The following ANAPC10 variants were observed in gnomAD, a reference collection of about 807,000 sequenced individuals.
The protein encoded by ANAPC10 is anaphase promoting complex subunit 10, also known as anaphase-promoting complex subunit 10.
Under a neutral mutation model 22.0 loss-of-function variants are expected in ANAPC10, and 12 were observed. The ratio of observed to expected loss-of-function variants is 0.55; its 90% CI spans 0.35 to 0.88. ANAPC10 has a LOEUF of 0.88. ANAPC10 is among the 40% of genes least tolerant of loss of function. The pLI, the probability that ANAPC10 is intolerant of heterozygous loss-of-function variation, is 0.01. For missense variants in ANAPC10, 188 were observed against 220.9 expected, an observed-to-expected ratio of 0.85 and a Z score of 0.94; for synonymous variants, 65 against 69.5, an observed-to-expected ratio of 0.94 and a Z score of 0.32.
At chr4:145,019,012 T>C (rs1441659592) in intron 4 of ANAPC10, among the ~76,000 whole-genome samples, 1 of 152,140 alleles carries the variant, frequency 6.6e-6, no homozygotes, top group Non-Finnish European at 1.5e-5. Context: ...GGGACTTAAA[T>C]ACTCCACTGA....
chr4:145,085,256 AAAAAAT>A (rs1158924043), intron 2 of ANAPC10, among the ~76,000 whole-genome samples: 3 of 152,264 alleles, frequency 2.0e-5, no homozygotes, highest in Admixed American at 6.5e-5. Flanking sequence ...GAAACGGACA[AAAAAAT>A]AAAAATAAAA....
intron 4 of ANAPC10, among the ~76,000 whole-genome samples, chr4:145,044,142 C>T (rs1391404834): frequency 6.6e-6 from 1 of 152,022 alleles, no homozygotes; most frequent in Non-Finnish European, 1.5e-5. Context: ...GATAATGCTG[C>T]CCTTGACAGT....
chr4:145,071,961 A>C (rs1407697410), intron 3 of ANAPC10, among the ~76,000 whole-genome samples: 1 of 152,158 alleles, frequency 6.6e-6, no homozygotes, highest in African/African-American at 2.4e-5. Context: ...CTTCGTTCCC[A>C]TACTAGCAGA....
rs1731506578 is a variant in ANAPC10, at chr4:144,995,693, T to C, written c.328-90A>G. 5.6e-6 allele frequency: 5 copies of C among 886,458 alleles called. No homozygotes were observed. The Admixed American group carries it at 1.2e-4, about 21-fold the overall frequency. 54.9% of individuals were successfully genotyped at this position (886,458 alleles called of 1,614,324 possible). On this transcript the variant is annotated intron_variant, in intron 4 of 4. Coordinates refer to ENST00000507656, the MANE Select transcript of ANAPC10 (RefSeq NM_001256706.2). ...CATTCTATAATAAAATAACTTATAA[T>C]TAACATTTTGCTCAACGAAAGAATG...
upstream of ANAPC10, chr4:145,098,223 TC>T (rs1387423368): frequency 1.3e-5 from 2 of 152,342 alleles, no homozygotes; most frequent in African/African-American, 4.8e-5. Context: ...TGACGTCATA[TC>T]TCCCTACCTA....
intron 3 of ANAPC10, among the ~76,000 whole-genome samples, chr4:145,065,880 C>G (rs1311537732): frequency 1.3e-5 from 2 of 151,694 alleles, no homozygotes; most frequent in Non-Finnish European, 2.9e-5. Flanking sequence ...TAACTGTTTT[C>G]GTGGGATGGG....
At chr4:145,040,253 G>A (rs529160173) in intron 4 of ANAPC10, among the ~76,000 whole-genome samples, 155 of 151,268 alleles carry the variant, frequency 1.0e-3, no homozygotes, top group African/African-American at 3.4e-3. Context: ...AGGTTCAAAC[G>A]ATTCTCCTGC....
At chr4:145,060,747 T>C (rs1742767697) in intron 4 of ANAPC10, among the ~76,000 whole-genome samples, 1 of 152,086 alleles carries the variant, frequency 6.6e-6, no homozygotes, top group Admixed American at 6.5e-5. Context: ...AAATTCACAC[T>C]ATTTTAATAA....
At chr4:144,996,663 T>A (rs1731659465) in intron 4 of ANAPC10, among the ~76,000 whole-genome samples, 1 of 152,002 alleles carries the variant, frequency 6.6e-6, no homozygotes, top group Admixed American at 6.6e-5. Context: ...ATTCTAAAAA[T>A]CAGAGCACCT....
chr4:145,005,699 G>A (rs1733235554), intron 4 of ANAPC10, among the ~76,000 whole-genome samples: 1 of 152,032 alleles, frequency 6.6e-6, no homozygotes, highest in Non-Finnish European at 1.5e-5. Context: ...CTTGATTTCT[G>A]CCTTAATTTC....
chr4:145,054,379 G>A (rs1158108373), intron 4 of ANAPC10, among the ~76,000 whole-genome samples: 4 of 149,566 alleles, frequency 2.7e-5, no homozygotes, highest in South Asian at 2.1e-4. Flanking sequence ...GTGAAACCCC[G>A]TCTCTACTAA....
chr4:145,058,589 T>C (rs1191052396), intron 4 of ANAPC10, among the ~76,000 whole-genome samples: 1 of 152,182 alleles, frequency 6.6e-6, no homozygotes, highest in African/African-American at 2.4e-5. Context: ...TACAGCATTA[T>C]TCACAGAATA....
At chr4:145,080,820 T>C (rs2126587177) in intron 3 of ANAPC10, among the ~76,000 whole-genome samples, 1 of 147,632 alleles carries the variant, frequency 6.8e-6, no homozygotes, top group Middle Eastern at 3.6e-3. Context: ...GGCAGGAGAA[T>C]CGCTTGAACC....
chr4:145,078,788 A>G (rs1745548688), intron 3 of ANAPC10, among the ~76,000 whole-genome samples: 1 of 152,216 alleles, frequency 6.6e-6, no homozygotes, highest in African/African-American at 2.4e-5. Flanking sequence ...GGAACTCCCT[A>G]TTCAATAAAT....
intron 2 of ANAPC10, among the ~76,000 whole-genome samples, chr4:145,091,532 G>A (rs1338832860): frequency 6.6e-6 from 1 of 152,130 alleles, no homozygotes; most frequent in Non-Finnish European, 1.5e-5. Flanking sequence ...AAAACGGGGG[G>A]AGGGGGAAAT....
chr4:145,045,451 T>A (rs540680474), intron 4 of ANAPC10, among the ~76,000 whole-genome samples: 1 of 152,040 alleles, frequency 6.6e-6, no homozygotes, highest in Non-Finnish European at 1.5e-5. Context: ...CTAAAAAAAA[T>A]ATGAGTAAAT....
At chr4:145,093,171 C>G (rs1747949462) in intron 2 of ANAPC10, among the ~76,000 whole-genome samples, 1 of 152,170 alleles carries the variant, frequency 6.6e-6, no homozygotes, top group South Asian at 2.1e-4. Flanking sequence ...CGCCAAAGCA[C>G]AGGAAAACTG....
At chr4:145,072,047 G>A (rs569895288) in intron 3 of ANAPC10, among the ~76,000 whole-genome samples, 1 of 152,102 alleles carries the variant, frequency 6.6e-6, no homozygotes, top group South Asian at 2.1e-4. Flanking sequence ...GGTAAGAGAA[G>A]CAAACTACAC....
chr4:145,026,749 T>A (rs1736714024), intron 4 of ANAPC10, among the ~76,000 whole-genome samples: 1 of 3,948 alleles, frequency 2.5e-4, no homozygotes. Context: ...AGAGAGGCAG[T>A]GAAGAAGTAC....
Sources: gnomAD v4.1 joint callset for allele counts (sites outside exome capture counted in the v4.1 genomes callset) on GRCh38, gnomAD v4.1.1 for gene constraint, MANE v1.5 for transcripts, NCBI Gene and HGNC (gene_info 2026-07-23, HGNC 2026-07-21) for gene names.